Variants in DOCK3 observed in about 807,000 individuals in gnomAD.
DOCK3 encodes the protein dedicator of cytokinesis protein 3.
A neutral mutation model predicts 265.6 loss-of-function variants in DOCK3; 60 were observed. That is an observed-to-expected ratio of 0.23 (90% confidence interval 0.18 to 0.28). The LOEUF (loss-of-function observed/expected upper bound fraction) is 0.28, where lower values mean the gene tolerates loss of function less well. Among genes scored for constraint, DOCK3 ranks in the 10% least tolerant of loss-of-function variants. The probability of loss-of-function intolerance (pLI) is 1.00; values close to 1 mark genes in which losing one functional copy is unlikely to be tolerated. For synonymous variants in DOCK3, 881 were observed against 938.0 expected (o/e 0.94, Z 1.11); for missense variants, 1,981 against 2,594.3 (o/e 0.76, Z 5.14).
At chr3:51,099,762 A>T (rs2083009249) in intron 9 of DOCK3, among the ~76,000 whole-genome samples, 1 of 152,264 alleles carries the variant, frequency 6.6e-6, no homozygotes, top group African/African-American at 2.4e-5. Flanking sequence ...ACAGACAGTA[A>T]ATAGAAATAA....
At chr3:50,954,260 A>G (rs937090117) in intron 5 of DOCK3, among the ~76,000 whole-genome samples, 2 of 152,066 alleles carry the variant, frequency 1.3e-5, no homozygotes, top group African/African-American at 4.8e-5. Context: ...GTTCATCCAT[A>G]TGGGTTCAGG....
intron 12 of DOCK3, among the ~76,000 whole-genome samples, chr3:51,163,139 G>A (rs970131975): frequency 1.3e-5 from 2 of 152,202 alleles, no homozygotes; most frequent in Non-Finnish European, 2.9e-5. Context: ...AGCTTAAAGA[G>A]TTTACTAATT....
rs35402276 is a variant in DOCK3, at chr3:51,317,581, AAATAATAATAAT to A, written c.3402+2484_3402+2495del. Among the ~76,000 whole-genome samples, 108 of 139,142 alleles carry A rather than the reference AAATAATAATAAT, an allele frequency of 7.8e-4. 1 individual carries two copies. The East Asian group carries it at 0.01, about 13-fold the overall frequency. 91.3% of individuals were successfully genotyped at this position (139,142 alleles called of 152,430 possible). A position where few individuals can be genotyped will look rare whatever the true frequency, so the allele number is the denominator to read the frequency against. The stretch of plus-strand genomic sequence containing the variant: ...GGCAACAGAGCGAGACTCCATCACA[AAATAATAATAAT>A]AATAATAATAATAATAATAATAATA... On this transcript the variant is annotated intron_variant, in intron 32 of 52. Transcript: ENST00000266037.
Position 51,113,084 on chromosome 3 carries a change from G to A in DOCK3, c.746+22700G>A, listed in dbSNP as rs9869541. Among the ~76,000 whole-genome samples, 423 of 152,184 alleles carry A rather than the reference G, an allele frequency of 2.8e-3. 3 individuals carry two copies. Among genetic ancestry groups the A allele is most frequent in the African/African-American group, 9.8e-3 (406 of 41,538 alleles). ...CACATTGTATGCCCACCATATATAA[G>A]ATATTGTTCCAGCTGCTGGGGATTC... On this transcript the variant is annotated intron_variant, in intron 9 of 52. Coordinates refer to ENST00000266037, the MANE Select transcript of DOCK3 (RefSeq NM_004947.5).
intron 22 of DOCK3, among the ~76,000 whole-genome samples, chr3:51,252,287 A>T (rs2079293119): frequency 6.6e-6 from 1 of 152,230 alleles, no homozygotes; most frequent in Admixed American, 6.5e-5. Context: ...GTTTGAAGTC[A>T]GGTAGCGTGA....
chr3:50,901,870 T>C (rs2107818736), intron 4 of DOCK3, among the ~76,000 whole-genome samples: 1 of 152,294 alleles, frequency 6.6e-6, no homozygotes, highest in Non-Finnish European at 1.5e-5. Context: ...TCACCCACCT[T>C]ATGCATTGAT....
At chr3:50,849,130 G>A (rs1416918143) in intron 3 of DOCK3, among the ~76,000 whole-genome samples, 5 of 152,008 alleles carry the variant, frequency 3.3e-5, no homozygotes, top group Non-Finnish European at 7.4e-5. Context: ...GACCTCCCAA[G>A]CTCAAGCGGC....
chr3:50,791,258 CTTTTTTT>C (rs34015684), intron 2 of DOCK3, among the ~76,000 whole-genome samples: 1 of 62,782 alleles, frequency 1.6e-5, no homozygotes, highest in Non-Finnish European at 3.0e-5. Flanking sequence ...TTAAATCTAT[CTTTTTTT>C]TTTTTTTTTT....
At position 51,288,515 on chromosome 3, in the gene DOCK3, G is replaced by A. The variant is rs1221647372; in HGVS notation, c.2922+8311G>A. Among the ~76,000 whole-genome samples the A allele has an allele frequency of 2.6e-5, 4 of 152,060 alleles. No homozygotes were observed. In the South Asian group the frequency reaches 6.2e-4, roughly 24 times the overall value. On this transcript the variant is annotated intron_variant, in intron 27 of 52. Transcript: ENST00000266037. ...AGGTACTGTGCTTATTGCTGGGGCA[G>A]TATAATAATCTGGACACCAAACCTC...
chr3:50,721,104 C>T (rs1477109029), intron 1 of DOCK3, among the ~76,000 whole-genome samples: 2 of 151,578 alleles, frequency 1.3e-5, no homozygotes, highest in Non-Finnish European at 2.9e-5. Context: ...GATATTAGAC[C>T]TTTGTTGGAT....
chr3:51,145,631 C>A (rs966191054), intron 9 of DOCK3, among the ~76,000 whole-genome samples: 3 of 151,896 alleles, frequency 2.0e-5, no homozygotes, highest in Admixed American at 6.6e-5. Flanking sequence ...CATCAGCTAC[C>A]ATTAGTGTTA....
chr3:51,095,515 C>A (rs1208994267), intron 9 of DOCK3, among the ~76,000 whole-genome samples: 1 of 152,002 alleles, frequency 6.6e-6, no homozygotes, highest in Admixed American at 6.6e-5. Flanking sequence ...ATTAAAAAAG[C>A]CTGGAACTGA....
At chr3:51,005,219 C>T (rs142588661) in intron 5 of DOCK3, among the ~76,000 whole-genome samples, 4 of 152,164 alleles carry the variant, frequency 2.6e-5, no homozygotes, top group South Asian at 2.1e-4. Context: ...ATTTTCTCCA[C>T]CTCTAGAACA....
chr3:50,880,167 C>T, intron 3 of DOCK3, among the ~76,000 whole-genome samples: 1 of 152,092 alleles, frequency 6.6e-6, no homozygotes, highest in East Asian at 1.9e-4. Flanking sequence ...TAAATGCCCA[C>T]AAGAGAAAGC....
rs1447138629 is a variant in DOCK3 at position 51,249,000 on chromosome 3, C to T, written c.2184+2193C>T. 5.3e-5 allele frequency among the ~76,000 whole-genome samples: 8 copies of T among 150,796 alleles called. No homozygotes were observed. The South Asian group carries it at 6.3e-4, about 12-fold the overall frequency. ...GTGAGGAGCCTCTCCGCCCGGCAGC[C>T]GCCCCGTCTGAGAAGTGAGGAGCCT... is the stretch of plus-strand genomic sequence containing the variant. On this transcript the variant is annotated intron_variant, in intron 22 of 52. Coordinates refer to ENST00000266037, the MANE Select transcript of DOCK3 (RefSeq NM_004947.5).
In DOCK3 at chr3:50,881,727, G is replaced by A. The variant is rs184912611; in HGVS notation, c.163-8299G>A. On this transcript the variant is annotated intron_variant, in intron 3 of 52. Coordinates refer to ENST00000266037, the MANE Select transcript of DOCK3 (RefSeq NM_004947.5). ...ATAGATTCAATGCTGTCCCCATCATGTGACCAATGCCTTTCTTCACAGAAT... is the reference window on the plus strand; with the variant it reads ...ATAGATTCAATGCTGTCCCCATCATATGACCAATGCCTTTCTTCACAGAAT... Among the ~76,000 whole-genome samples the A allele has an allele frequency of 1.2e-3, 176 of 152,280 alleles. 1 individual carries two copies. The highest frequency in any genetic ancestry group is 0.01 in the Middle Eastern group (3 of 294).
At chr3:51,243,598 T>A (rs1414225184) in intron 21 of DOCK3, among the ~76,000 whole-genome samples, 2 of 152,172 alleles carry the variant, frequency 1.3e-5, no homozygotes, top group Non-Finnish European at 2.9e-5. Flanking sequence ...GTTCTTTATA[T>A]ATTCTGGATA....
chr3:51,229,394 T>C (rs551945514), intron 18 of DOCK3, 118 bp from the exon 19 acceptor site: 7 of 568,228 alleles, frequency 1.2e-5, no homozygotes, highest in Non-Finnish European at 2.0e-5. Flanking sequence ...GAGGTTGCAG[T>C]GAGCTGAGAT....
At chr3:50,893,657 T>C (rs1046130530) in intron 4 of DOCK3, among the ~76,000 whole-genome samples, 1 of 151,804 alleles carries the variant, frequency 6.6e-6, no homozygotes. Context: ...TATGGAATTA[T>C]CACACGTGGG....
Sources: gnomAD v4.1 joint callset for allele counts (sites outside exome capture counted in the v4.1 genomes callset) on GRCh38, gnomAD v4.1.1 for gene constraint, MANE v1.5 for transcripts, NCBI Gene and HGNC (gene_info 2026-07-23, HGNC 2026-07-21) for gene names.